IFIT2: variants seen among roughly 807,000 people sequenced by gnomAD.
The protein encoded by IFIT2 is interferon induced protein with tetratricopeptide repeats 2.
In IFIT2, 3 loss-of-function variants were observed where a neutral mutation model predicts 2.5. The observed-to-expected ratio is 1.21, with a 90% CI of 0.55 to 3.14. The LOEUF (loss-of-function observed/expected upper bound fraction) is 3.14. IFIT2 is among the 30% of genes most tolerant of loss of function. The pLI is 0.03. For synonymous variants in IFIT2, 212 were observed against 200.7 expected (o/e 1.06, Z -0.48); for missense variants, 493 against 558.9 (o/e 0.88, Z 1.19).
rs1589596253 is a variant in IFIT2 at position 89,307,114 on chromosome 10, G to A, written c.1158G>A (p.Lys386=). ...RYGNFQLYQM[K]CEDKAIHHFI... is the part of the protein sequence containing the mutation. ...GCAACTTTCAGCTGTACCAAATGAA[G>A]TGTGAAGACAAGGCCATCCACCACT... Residue 386 remains lysine, a synonymous_variant, in exon 2 of 2, where the codon AAG becomes AAA. Transcript: ENST00000371826. 1 of 1,614,038 alleles carries A rather than the reference G, an allele frequency of 6.2e-7. No homozygotes were observed. Among genetic ancestry groups the A allele is most frequent in the African/African-American group, 1.3e-5 (1 of 75,024 alleles).
chr10:89,305,686 A>T (rs1843473309), intron 1 of IFIT2, among the ~76,000 whole-genome samples: 1 of 152,184 alleles, frequency 6.6e-6, no homozygotes, highest in African/African-American at 2.4e-5. Flanking sequence ...AGAGCTGTTT[A>T]ACAAAAACTG....
In IFIT2 at chr10:89,308,656, G is replaced by C. The variant is rs1402578615; in HGVS notation, c.*1281G>C. 1 of 152,182 alleles carries C rather than the reference G, an allele frequency of 6.6e-6. No homozygotes were observed. The highest frequency in any genetic ancestry group is 1.5e-5 in the Non-Finnish European group (1 of 68,024). The allele number at this position is 152,182 out of a possible 1,614,324, so 9.4% of individuals were successfully genotyped here. On this transcript the variant is annotated 3_prime_UTR_variant, in exon 2 of 2. Transcript: ENST00000371826. Reference sequence around the variant, plus strand: ...AATAGAGTCAGCTGACCCAGCATCAGCCACACTCTGGGTTGGAAAATGTTT... The same window carrying C: ...AATAGAGTCAGCTGACCCAGCATCACCCACACTCTGGGTTGGAAAATGTTT...
rs1024179965 is a variant in IFIT2 at position 89,308,527 on chromosome 10, C to A, written c.*1152C>A. On this transcript the variant is annotated 3_prime_UTR_variant, in exon 2 of 2. Coordinates refer to ENST00000371826, the MANE Select transcript of IFIT2 (RefSeq NM_001547.5). ...GTGATATAAACACTTCTTTTAACTC[C>A]GAAAATCTTCTGAGAAATCACAAAA... is the stretch of plus-strand genomic sequence containing the variant. 6.6e-6 allele frequency: 1 copy of A among 152,004 alleles called. No individual in the cohort carries two copies. Among genetic ancestry groups the A allele is most frequent in the Non-Finnish European group, 1.5e-5 (1 of 68,014 alleles). 9.4% of individuals were successfully genotyped at this position (152,004 alleles called of 1,614,324 possible). A position where few individuals can be genotyped will look rare whatever the true frequency, so the allele number is the denominator to read the frequency against.
rs1330937748 is a variant in IFIT2, at chr10:89,307,330, G to T, written c.1374G>T (p.Glu458Asp). The change falls in exon 2 of 2, where the codon GAG (glutamate) becomes GAT (aspartate). Residue 458 changes from glutamate (E) to aspartate (D), a missense_variant. By Grantham distance (45) the Glu-to-Asp change is conservative. Coordinates refer to ENST00000371826, the MANE Select transcript of IFIT2 (RefSeq NM_001547.5). ...ATGAAGACTCTGAGAGGGGTTTGGA[G>T]TCTGGAAGCCTCATCCCTTCAGCAT... The part of the protein sequence containing the change: ...QADEDSERGL[E>D]SGSLIPSASS... The T allele has an allele frequency of 1.2e-6, 2 of 1,612,284 alleles. No individual in the cohort carries two copies. Among genetic ancestry groups the T allele is most frequent in the African/African-American group, 1.3e-5 (1 of 74,870 alleles).
chr10:89,306,250 A>G lies in IFIT2; in HGVS notation c.294A>G (p.Gly98=). ...AAATCAGAAGTCTGGTCACCTGGGG[A>G]AACTATGCCTGGGTCTACTATCACA... The part of the protein sequence containing the change: ...QAEIRSLVTW[G]NYAWVYYHMG... The change falls in exon 2 of 2, where the codon GGA becomes GGG. Residue 98 remains glycine (G), a synonymous_variant. Transcript: ENST00000371826. 6.2e-7 allele frequency: 1 copy of G among 1,614,162 alleles called. No homozygotes were observed. The highest frequency in any genetic ancestry group is 8.5e-7 in the Non-Finnish European group (1 of 1,180,006).
rs2133523206 is a variant in IFIT2, at chr10:89,307,574, G to A, written c.*199G>A. ...CCAAGGAGTTCTGGGAGAGGGACCAGATTGGGGGGTAGGTCCACGGGCTTG... is the reference window on the plus strand; with the variant it reads ...CCAAGGAGTTCTGGGAGAGGGACCAAATTGGGGGGTAGGTCCACGGGCTTG... On this transcript the variant is annotated 3_prime_UTR_variant, in exon 2 of 2. Transcript: ENST00000371826. 2.0e-6 allele frequency: 1 copy of A among 506,034 alleles called. No homozygotes were observed. The highest frequency in any genetic ancestry group is 3.5e-6 in the Non-Finnish European group (1 of 285,484). The allele number at this position is 506,034 out of a possible 1,614,324, so 31.3% of individuals were successfully genotyped here. A position where few individuals can be genotyped will look rare whatever the true frequency, so the allele number is the denominator to read the frequency against.
intron 1 of IFIT2, among the ~76,000 whole-genome samples, chr10:89,303,088 T>G (rs1470459553): frequency 6.6e-6 from 1 of 152,238 alleles, no homozygotes; most frequent in Non-Finnish European, 1.5e-5. Context: ...ACCCTTTTCT[T>G]ATTTCTTAGA....
At position 89,306,384 on chromosome 10, in the gene IFIT2, G is replaced by A. The variant is rs1355098740; in HGVS notation, c.428G>A (p.Gly143Glu). Residue 143 changes from glycine (G) to glutamate (E), a missense_variant, in exon 2 of 2, where the codon GGG becomes GAG. Gly to Glu is a moderately conservative substitution (Grantham distance 98, BLOSUM62 -2). Coordinates refer to ENST00000371826, the MANE Select transcript of IFIT2 (RefSeq NM_001547.5). ...IESPELDCEEGWTRLKCGGNQ... is the reference protein window; with the variant it reads ...IESPELDCEEEWTRLKCGGNQ... ...AGTCCAGAGCTTGACTGTGAGGAAG[G>A]GTGGACACGGTTAAAGTGTGGAGGA... is the stretch of plus-strand genomic sequence containing the variant. 1.2e-6 allele frequency: 2 copies of A among 1,614,038 alleles called. No homozygotes were observed. The highest frequency in any genetic ancestry group is 1.3e-5 in the African/African-American group (1 of 74,912).
In IFIT2 at chr10:89,307,193, G is replaced by C; in HGVS notation, c.1237G>C (p.Asp413His). The stretch of plus-strand genomic sequence containing the variant: ...ATCAAGGGAGAAAGAAAAGATGAAA[G>C]ACAAACTGCAAAAAATTGCCAAAAT... ...QKSREKEKMK[D>H]KLQKIAKMRL... The change falls in exon 2 of 2, where the codon GAC becomes CAC. Residue 413 changes from aspartate to histidine, a missense_variant. By Grantham distance (81) the Asp-to-His change is moderately conservative (BLOSUM62 -1). Coordinates refer to ENST00000371826, the MANE Select transcript of IFIT2 (RefSeq NM_001547.5). 1 of 1,613,944 alleles carries C rather than the reference G, an allele frequency of 6.2e-7. No homozygotes were observed. Among genetic ancestry groups the C allele is most frequent in the Non-Finnish European group, 8.5e-7 (1 of 1,179,916 alleles).
At chr10:89,304,223 A>G (rs1358610655) in intron 1 of IFIT2, among the ~76,000 whole-genome samples, 6 of 152,256 alleles carry the variant, frequency 3.9e-5, no homozygotes, top group Admixed American at 3.3e-4. Flanking sequence ...GGTCTTAGCA[A>G]AGAGCCAGGT....
intron 1 of IFIT2, among the ~76,000 whole-genome samples, chr10:89,304,648 C>A (rs1043440692): frequency 6.6e-6 from 1 of 152,138 alleles, no homozygotes; most frequent in Non-Finnish European, 1.5e-5. Flanking sequence ...GACTCCAATA[C>A]ACAGACAGTG....
Position 89,307,322 on chromosome 10 carries a change from G to A in IFIT2, c.1366G>A (p.Gly456Ser), listed in dbSNP as rs780537242. ...MQQADEDSER[G>S]LESGSLIPSA... ...ACAAGCAGATGAAGACTCTGAGAGG[G>A]GTTTGGAGTCTGGAAGCCTCATCCC... Residue 456 changes from glycine to serine, a missense_variant, in exon 2 of 2, where the codon GGT becomes AGT. Coordinates refer to ENST00000371826, the MANE Select transcript of IFIT2 (RefSeq NM_001547.5). 1 of 1,612,484 alleles carries A rather than the reference G, an allele frequency of 6.2e-7. No individual in the cohort carries two copies. The highest frequency in any genetic ancestry group is 1.3e-5 in the African/African-American group (1 of 74,854).
In IFIT2 at chr10:89,306,691, T is replaced by G; in HGVS notation, c.735T>G (p.Gly245=). 1 of 1,614,050 alleles carries G rather than the reference T, an allele frequency of 6.2e-7. No homozygotes were observed. Among genetic ancestry groups the G allele is most frequent in the South Asian group, 1.1e-5 (1 of 91,084 alleles). The part of the protein sequence containing the change: ...LVEEALEKAP[G]VTDVLRSAAK... ...AAGAAGCCTTGGAGAAAGCCCCAGG[T>G]GTAACAGATGTTCTTCGCAGTGCAG... The change falls in exon 2 of 2, where the codon GGT becomes GGG. Residue 245 remains glycine, a synonymous_variant. Coordinates refer to ENST00000371826, the MANE Select transcript of IFIT2 (RefSeq NM_001547.5).
chr10:89,302,835 G>A (rs982378042), intron 1 of IFIT2, among the ~76,000 whole-genome samples: 2 of 152,104 alleles, frequency 1.3e-5, no homozygotes, highest in Non-Finnish European at 2.9e-5. Flanking sequence ...CCAGTTTGAA[G>A]GTGGGGTGGC....
rs1316316073 is a variant in IFIT2, at chr10:89,307,201, G to A, written c.1245G>A (p.Leu415=). Residue 415 remains leucine, a synonymous_variant, in exon 2 of 2, where the codon CTG becomes CTA. Coordinates refer to ENST00000371826, the MANE Select transcript of IFIT2 (RefSeq NM_001547.5). ...AGAAAGAAAAGATGAAAGACAAACT[G>A]CAAAAAATTGCCAAAATGCGACTTT... ...SREKEKMKDK[L]QKIAKMRLSK... is the part of the protein sequence containing the mutation. The A allele has an allele frequency of 6.8e-6, 11 of 1,613,830 alleles. No homozygotes were observed. Among genetic ancestry groups the A allele is most frequent in the Non-Finnish European group, 8.5e-6 (10 of 1,179,920 alleles).
intron 1 of IFIT2, among the ~76,000 whole-genome samples, chr10:89,304,136 A>G (rs951793059): frequency 1.3e-5 from 2 of 152,200 alleles, no homozygotes; most frequent in Non-Finnish European, 2.9e-5. Flanking sequence ...GAATAAACAA[A>G]CAAACAAACA....
chr10:89,304,753 G>A (rs953216667), intron 1 of IFIT2, among the ~76,000 whole-genome samples: 1 of 151,960 alleles, frequency 6.6e-6, no homozygotes, highest in Non-Finnish European at 1.5e-5. Context: ...GGTTTTTTAG[G>A]GGTTTTTTTG....
At chr10:89,304,737 T>C (rs902058463) in intron 1 of IFIT2, among the ~76,000 whole-genome samples, 3 of 152,214 alleles carry the variant, frequency 2.0e-5, no homozygotes, top group African/African-American at 4.8e-5. Flanking sequence ...ATTTGTCTGT[T>C]CTCTGGGTTT....
rs755600592 is a variant in IFIT2, at chr10:89,306,970, C to A, written c.1014C>A (p.Ser338=). The change falls in exon 2 of 2, where the codon TCC becomes TCA. Residue 338 remains serine (S), a synonymous_variant. Transcript: ENST00000371826. Reference sequence around the variant, plus strand: ...ATGATAATCTCTTCCGTGTCTGTTCCATTCTTGCCAGCCTCCATGCTCTAG... The same window carrying A: ...ATGATAATCTCTTCCGTGTCTGTTCAATTCTTGCCAGCCTCCATGCTCTAG... The part of the protein sequence containing the change: ...EANDNLFRVC[S]ILASLHALAD... The A allele has an allele frequency of 6.2e-7, 1 of 1,614,020 alleles. No individual in the cohort carries two copies.
Sources: allele counts gnomAD v4.1 joint callset (sites outside exome capture counted in the v4.1 genomes callset), GRCh38; gene constraint gnomAD v4.1.1; transcripts MANE v1.5; gene names NCBI Gene and HGNC (gene_info 2026-07-23, HGNC 2026-07-21).